Variants in EIF2B3 observed in about 807,000 individuals in gnomAD.
EIF2B3 encodes the protein eukaryotic translation initiation factor 2B subunit gamma.
A neutral mutation model predicts 54.1 loss-of-function variants in EIF2B3; 20 were observed. The observed-to-expected ratio is 0.37, with a 90% CI of 0.26 to 0.54. The LOEUF is 0.54. Among genes scored for constraint, EIF2B3 ranks in the 20% least tolerant of loss-of-function variants. The pLI is 0.86. For synonymous variants in EIF2B3, 153 were observed against 188.1 expected, an observed-to-expected ratio of 0.81 and a Z score of 1.52; for missense variants, 448 against 547.8, an observed-to-expected ratio of 0.82 and a Z score of 1.82.
At chr1:44,872,168 G>C (rs113343603) in intron 10 of EIF2B3, among the ~76,000 whole-genome samples, 1 of 152,136 alleles carries the variant, frequency 6.6e-6, no homozygotes, top group African/African-American at 2.4e-5. Context: ...GAGTAGCTGA[G>C]ACTACTGATG....
chr1:44,879,320 G>A (rs1317632153), intron 8 of EIF2B3, among the ~76,000 whole-genome samples: 1 of 152,176 alleles, frequency 6.6e-6, no homozygotes, highest in African/African-American at 2.4e-5. Flanking sequence ...GGAGGGGCTA[G>A]CAAGAGACTC....
chr1:44,973,000 C>T (rs1644417953), intron 3 of EIF2B3, among the ~76,000 whole-genome samples: 1 of 152,174 alleles, frequency 6.6e-6, no homozygotes, highest in Admixed American at 6.5e-5. Context: ...ATGATTGCGC[C>T]ATGGCACTCC....
intron 11 of EIF2B3, among the ~76,000 whole-genome samples, chr1:44,852,293 C>T (rs1415821500): frequency 6.6e-6 from 1 of 151,932 alleles, no homozygotes; most frequent in East Asian, 1.9e-4. Flanking sequence ...TTTGGCACAA[C>T]CCTCTGCCTA....
At chr1:44,876,018 G>T (rs550339836) in intron 8 of EIF2B3, among the ~76,000 whole-genome samples, 7 of 152,216 alleles carry the variant, frequency 4.6e-5, no homozygotes, top group African/African-American at 1.4e-4. Flanking sequence ...GCTCCTAACC[G>T]CGAGTGATCC....
intron 3 of EIF2B3, among the ~76,000 whole-genome samples, chr1:44,948,851 T>G (rs537860647): frequency 6.8e-6 from 1 of 146,992 alleles, no homozygotes; most frequent in South Asian, 2.2e-4. Flanking sequence ...AACTTTTTCT[T>G]TTCTTTTCTT....
At chr1:44,947,344 A>G (rs1644113910) in intron 3 of EIF2B3, among the ~76,000 whole-genome samples, 1 of 152,218 alleles carries the variant, frequency 6.6e-6, no homozygotes, top group Non-Finnish European at 1.5e-5. Flanking sequence ...AGTCTTGACT[A>G]AAGTAAACAA....
intron 10 of EIF2B3, among the ~76,000 whole-genome samples, chr1:44,874,038 A>G (rs944136562): frequency 4.0e-5 from 6 of 150,182 alleles, no homozygotes; most frequent in Non-Finnish European, 8.8e-5. Flanking sequence ...CAAAAATCTG[A>G]ACTCTCAAAT....
chr1:44,981,847 G>A (rs1378389654), intron 1 of EIF2B3, among the ~76,000 whole-genome samples: 2 of 149,622 alleles, frequency 1.3e-5, no homozygotes, highest in Non-Finnish European at 3.0e-5. Context: ...TGAAGTGGGA[G>A]GATCATTTGA....
chr1:44,946,069 G>C (rs193294331), intron 3 of EIF2B3, among the ~76,000 whole-genome samples: 1 of 152,296 alleles, frequency 6.6e-6, no homozygotes, highest in Admixed American at 6.5e-5. Flanking sequence ...TTGTGAACAG[G>C]CTGTAGGCTC....
chr1:44,866,280 C>A (rs1654775881), intron 10 of EIF2B3, among the ~76,000 whole-genome samples: 1 of 151,912 alleles, frequency 6.6e-6, no homozygotes, highest in African/African-American at 2.4e-5. Context: ...TGCCCGTAGT[C>A]CCAGCTACTC....
chr1:44,872,463 C>T (rs60741033), intron 10 of EIF2B3, among the ~76,000 whole-genome samples: 26,517 of 151,730 alleles, frequency 0.17, 2,417 homozygotes, highest in African/African-American at 0.18. Flanking sequence ...CTGGGCAACA[C>T]AGTAAAATCC....
intron 3 of EIF2B3, chr1:44,958,883 C>G: frequency 1.2e-6 from 1 of 836,004 alleles, no homozygotes; most frequent in Non-Finnish European, 2.1e-6. Context: ...ATCAAGAACA[C>G]AATTTCATCA....
intron 9 of EIF2B3, 112 bp from the exon 10 acceptor site, chr1:44,874,938 CA>C (rs1307955396): frequency 1.5e-6 from 2 of 1,304,188 alleles, no homozygotes; most frequent in Admixed American, 3.4e-5. Context: ...GACACTTCAG[CA>C]AGAGGGACCA....
At chr1:44,948,567 T>C (rs1644127986) in intron 3 of EIF2B3, among the ~76,000 whole-genome samples, 1 of 151,902 alleles carries the variant, frequency 6.6e-6, no homozygotes. Flanking sequence ...AATATATAGA[T>C]CACTATAATA....
intron 5 of EIF2B3, among the ~76,000 whole-genome samples, chr1:44,918,394 C>CT (rs919422208): frequency 7.4e-4 from 105 of 141,026 alleles, no homozygotes; most frequent in African/African-American, 9.9e-4. Context: ...AGCATAGTAG[C>CT]TTTTTTTTTT....
chr1:44,981,039 C>G lies in EIF2B3; in HGVS notation c.130G>C (p.Glu44Gln), dbSNP rs201162647. ...AGCTCACCTTCAAATCCAACACGCTCAAGCAGGTTCAATGGGTACCAAATT... is the reference window on the plus strand; with the variant it reads ...AGCTCACCTTCAAATCCAACACGCTGAAGCAGGTTCAATGGGTACCAAATT... ...PLIWYPLNLL[E>Q]RVGFEEVIVV... The change falls in exon 2 of 12, where the codon GAG becomes CAG. Residue 44 changes from glutamate (E) to glutamine (Q), a missense_variant. Transcript: ENST00000360403. The G allele has an allele frequency of 6.2e-7, 1 of 1,613,550 alleles. No homozygotes were observed. Among genetic ancestry groups the G allele is most frequent in the Non-Finnish European group, 8.5e-7 (1 of 1,180,008 alleles).
chr1:44,941,782 AT>A, intron 3 of EIF2B3, 117 bp from the exon 4 acceptor site: 1 of 1,205,822 alleles, frequency 8.3e-7, no homozygotes. Context: ...CTCTTCAAGC[AT>A]TTTTCATAGC....
chr1:44,921,591 C>A (rs777932529), intron 5 of EIF2B3, among the ~76,000 whole-genome samples: 9 of 152,178 alleles, frequency 5.9e-5, no homozygotes, highest in Non-Finnish European at 8.8e-5. Flanking sequence ...GGTCTAGTTT[C>A]ATTCTTTTGC....
At chr1:44,875,595 G>T in intron 9 of EIF2B3, 23 bp downstream of exon 9, 1 of 1,610,878 alleles carries the variant, frequency 6.2e-7, no homozygotes, top group Non-Finnish European at 8.5e-7. Flanking sequence ...TCTCATGCCC[G>T]TCCTGGCCAC....
Sources: gnomAD v4.1 joint callset for allele counts (sites outside exome capture counted in the v4.1 genomes callset) on GRCh38, gnomAD v4.1.1 for gene constraint, MANE v1.5 for transcripts, NCBI Gene and HGNC (gene_info 2026-07-23, HGNC 2026-07-21) for gene names.